Variants in LARGE2 observed in about 807,000 individuals in gnomAD.
LARGE2 encodes the protein LARGE xylosyl- and glucuronyltransferase 2, also known as xylosyl- and glucuronyltransferase LARGE2.
LARGE2 carries 63 observed loss-of-function variants against 75.3 expected under a neutral mutation model. That is an observed-to-expected ratio of 0.84 (90% CI 0.68 to 1.03). The LOEUF (loss-of-function observed/expected upper bound fraction) is 1.03. Ranked by LOEUF, LARGE2 falls within the 50% of genes least tolerant of loss-of-function variation. LARGE2 has a pLI of 0.00. For synonymous variants in LARGE2, 428 were observed against 420.1 expected (o/e 1.02, Z -0.23); for missense variants, 925 against 980.6 (o/e 0.94, Z 0.76).
Position 45,923,155 on chromosome 11 carries a change from G to A in LARGE2, c.273G>A (p.Pro91=). Residue 91 remains proline (P), a synonymous_variant, in exon 2 of 14, where the codon CCG becomes CCA. Coordinates refer to ENST00000401752, the MANE Select transcript of LARGE2 (RefSeq NM_001300721.2). ...ACTGCGGCCCGCAGCCGCCGCCGCC[G>A]CCCAAGTGCGAGGTAGGTGCGCGCG... ...RSDCGPQPPP[P]PKCELLHVAI... is the part of the protein sequence containing the mutation. The A allele has an allele frequency of 1.5e-6, 2 of 1,340,696 alleles. No individual in the cohort carries two copies. Among genetic ancestry groups the A allele is most frequent in the South Asian group, 2.0e-5 (1 of 51,022 alleles). The allele number at this position is 1,340,696 out of a possible 1,614,324, so 83.0% of individuals were successfully genotyped here.
chr11:45,922,874 T>G lies in LARGE2; in HGVS notation c.-9T>G. 8.0e-7 allele frequency: 1 copy of G among 1,252,464 alleles called. No individual in the cohort carries two copies. The allele number at this position is 1,252,464 out of a possible 1,614,324, so 77.6% of individuals were successfully genotyped here. ...TCGCGTCCCTCCCTGAGCGCCCCCG[T>G]CGGCGGCCATGCTGCCCCGAGGGCG... On this transcript the variant is annotated 5_prime_UTR_variant, in exon 2 of 14. Transcript: ENST00000401752.
At position 45,928,881 on chromosome 11, in the gene LARGE2, G is replaced by GCAGA. The variant is rs1447609727; in HGVS notation, c.*39_*42dup. 2.5e-6 allele frequency: 4 copies of GCAGA among 1,609,890 alleles called. No homozygotes were observed. In the African/African-American group the frequency reaches 5.4e-5, roughly 22 times the overall value. ...GCGCTGCCCCTCATCTTAGCATTGGGCAGACACCAGGGCAACCTGCCCTCC... is the reference window on the plus strand; with the variant it reads ...GCGCTGCCCCTCATCTTAGCATTGGGCAGACAGACACCAGGGCAACCTGCCCTCC... On this transcript the variant is annotated 3_prime_UTR_variant, in exon 14 of 14. Coordinates refer to ENST00000401752, the MANE Select transcript of LARGE2 (RefSeq NM_001300721.2).
chr11:45,925,950 G>A, intron 6 of LARGE2, 89 bp from the exon 7 acceptor site: 4 of 1,096,224 alleles, frequency 3.6e-6, no homozygotes, highest in Middle Eastern at 2.4e-4. Flanking sequence ...AAATACCAAT[G>A]TCAAAAAACA....
rs1443250906 is a variant in LARGE2, at chr11:45,928,027, A to C, written c.1712A>C (p.Glu571Ala). 2 of 1,613,746 alleles carry C rather than the reference A, an allele frequency of 1.2e-6. No individual in the cohort carries two copies. The highest frequency in any genetic ancestry group is 2.7e-5 in the African/African-American group (2 of 74,846). Residue 571 changes from glutamate to alanine, a missense_variant, in exon 12 of 14, where the codon GAG becomes GCG. This residue lies in a region of LARGE2 where 469 missense variants were observed against 503.8 expected (regional missense o/e 0.93). Coordinates refer to ENST00000401752, the MANE Select transcript of LARGE2 (RefSeq NM_001300721.2). ...YRFSFPHSKV[E>A]LLALLDAGTL... is the part of the protein sequence containing the mutation. ...TTCAGCTTCCCCCATTCCAAGGTGG[A>C]GCTGTTGGCCTTGCTGGATGCGGGC...
chr11:45,928,460 A>G, intron 13 of LARGE2, 88 bp downstream of exon 13: 6 of 1,534,548 alleles, frequency 3.9e-6, no homozygotes, highest in Non-Finnish European at 5.3e-6. Context: ...GGACCACACC[A>G]CTAGGCAACA....
intron 11 of LARGE2, 157 bp downstream of exon 11, chr11:45,927,750 G>A (rs765566042): frequency 7.0e-7 from 1 of 1,420,424 alleles, no homozygotes; most frequent in Non-Finnish European, 9.8e-7. Flanking sequence ...TGTCAACAGG[G>A]AGGCCAGGGC....
In LARGE2 at chr11:45,924,597, C is replaced by T; in HGVS notation, c.584C>T (p.Ala195Val). ...VLPSALPAEL[A>V]RVIVLDTDVT... ...CCCAGTGCCTTGCCTGCTGAGCTGGCCCGCGTCATTGTCCTGGACACGGAT... is the reference window on the plus strand; with the variant it reads ...CCCAGTGCCTTGCCTGCTGAGCTGGTCCGCGTCATTGTCCTGGACACGGAT... Residue 195 changes from alanine (A) to valine (V), a missense_variant, in exon 5 of 14, where the codon GCC becomes GTC. Physicochemically the swap from Ala to Val is moderately conservative, Grantham distance 64. This residue lies in a region of LARGE2 where 453 missense variants were observed against 460.2 expected (regional missense o/e 0.98). Transcript: ENST00000401752. 6.2e-7 allele frequency: 1 copy of T among 1,614,090 alleles called. No homozygotes were observed.
At position 45,927,301 on chromosome 11, in the gene LARGE2, C is replaced by T. The variant is rs768810711; in HGVS notation, c.1326-14C>T. Reference sequence around the variant, plus strand: ...AAGAGGGGCAGAGCTGTGCTGACCTCCCTCTCCCCATAGGCTGCAGATGTT... The same window carrying T: ...AAGAGGGGCAGAGCTGTGCTGACCTTCCTCTCCCCATAGGCTGCAGATGTT... On this transcript the variant is annotated splice_polypyrimidine_tract_variant and intron_variant, in intron 10 of 13. Coordinates refer to ENST00000401752, the MANE Select transcript of LARGE2 (RefSeq NM_001300721.2). 8.1e-6 allele frequency: 13 copies of T among 1,608,928 alleles called. No individual in the cohort carries two copies. In the African/African-American group the frequency reaches 1.3e-4, roughly 17 times the overall value.
chr11:45,924,668 C>G lies in LARGE2; in HGVS notation c.655C>G (p.His219Asp). The G allele has an allele frequency of 6.2e-7, 1 of 1,611,576 alleles. No homozygotes were observed. Among genetic ancestry groups the G allele is most frequent in the Non-Finnish European group, 8.5e-7 (1 of 1,178,840 alleles). ...DISELWALFA[H>D]FSDTQAIGLV... ...CTCGGAGCTCTGGGCCCTCTTTGCT[C>G]ACTTTTCTGGTGAGAGGCCTGGGAG... Residue 219 changes from histidine (H) to aspartate (D), a missense_variant, in exon 5 of 14, where the codon CAC becomes GAC. Around this residue, in one of 3 missense-constraint regions of LARGE2, gnomAD observed 453 missense variants for 460.2 expected, o/e 0.98. Coordinates refer to ENST00000401752, the MANE Select transcript of LARGE2 (RefSeq NM_001300721.2).
chr11:45,927,948 A>G lies in LARGE2; in HGVS notation c.1633A>G (p.Ser545Gly). ...RASIEQLGLGSRRKAALVVPA... is the reference protein window; with the variant it reads ...RASIEQLGLGGRRKAALVVPA... ...CTCCATTGAGCAGCTGGGGCTGGGCAGCCGGCGCAAGGCAGCACTGGTGGT... is the reference window on the plus strand; with the variant it reads ...CTCCATTGAGCAGCTGGGGCTGGGCGGCCGGCGCAAGGCAGCACTGGTGGT... The change falls in exon 12 of 14, where the codon AGC becomes GGC. Residue 545 changes from serine to glycine, a missense_variant. Physicochemically the swap from Ser to Gly is moderately conservative, Grantham distance 56. Transcript: ENST00000401752. The G allele has an allele frequency of 6.2e-7, 1 of 1,613,508 alleles. No homozygotes were observed. The highest frequency in any genetic ancestry group is 1.1e-5 in the South Asian group (1 of 91,072).
rs1170817493 is a variant in LARGE2, at chr11:45,926,043, G to C, written c.774G>C (p.Val258=). The change falls in exon 7 of 14, where the codon GTG becomes GTC. Residue 258 remains valine (V), a synonymous_variant. Transcript: ENST00000401752. ...PALGRGFNTG[V]ILLRLDRLRQ... ...ACAGCATCTCTTCATTGGCAGGTGT[G>C]ATCCTGCTGCGGCTGGACCGGCTCC... 1 of 1,555,144 alleles carries C rather than the reference G, an allele frequency of 6.4e-7. No individual in the cohort carries two copies. Among genetic ancestry groups the C allele is most frequent in the Non-Finnish European group, 8.7e-7 (1 of 1,148,974 alleles).
intron 2 of LARGE2, 137 bp from the exon 3 acceptor site, chr11:45,923,336 T>C: frequency 9.1e-7 from 1 of 1,094,506 alleles, no homozygotes; most frequent in Non-Finnish European, 1.3e-6. Context: ...ATTTCCCCAT[T>C]TGAAATGAAG....
upstream of LARGE2, chr11:45,922,610 C>T (rs55884539): frequency 4.3e-5 from 12 of 281,722 alleles, no homozygotes; most frequent in Non-Finnish European, 7.9e-5. Flanking sequence ...CGCTCAGCCC[C>T]GCTGAGGTGA....
intron 4 of LARGE2, 52 bp from the exon 5 acceptor site, chr11:45,924,454 G>T: frequency 1.3e-6 from 2 of 1,592,362 alleles, no homozygotes; most frequent in Non-Finnish European, 1.7e-6. Context: ...ATGTGTTCTG[G>T]TGCTCATAGG....
intron 6 of LARGE2, among the ~76,000 whole-genome samples, chr11:45,925,274 A>C (rs538878922): frequency 6.6e-6 from 1 of 152,300 alleles, no homozygotes; most frequent in East Asian, 1.9e-4. Flanking sequence ...TAATTCCAGC[A>C]CTTTGGGAGG....
rs142831797 is a variant in LARGE2, at chr11:45,926,501, C to G, written c.1068C>G (p.Phe356Leu). 2 of 1,614,148 alleles carry G rather than the reference C, an allele frequency of 1.2e-6. No individual in the cohort carries two copies. The highest frequency in any genetic ancestry group is 2.7e-5 in the African/African-American group (2 of 75,050). ...LRVKNKHVEFFRNFYLTFLEY... is the reference protein window; with the variant it reads ...LRVKNKHVEFLRNFYLTFLEY... ...TGAAGAACAAGCATGTGGAATTCTTCCGCAATTTCTACCTGACCTTCCTGG... is the reference window on the plus strand; with the variant it reads ...TGAAGAACAAGCATGTGGAATTCTTGCGCAATTTCTACCTGACCTTCCTGG... Residue 356 changes from phenylalanine (F) to leucine (L), a missense_variant, in exon 9 of 14, where the codon TTC (phenylalanine) becomes TTG (leucine). Transcript: ENST00000401752.
chr11:45,928,322 G>A lies in LARGE2; in HGVS notation c.1900G>A (p.Val634Met), dbSNP rs1398605735. The A allele has an allele frequency of 6.2e-7, 1 of 1,614,176 alleles. No individual in the cohort carries two copies. Among genetic ancestry groups the A allele is most frequent in the East Asian group, 2.2e-5 (1 of 44,886 alleles). The change falls in exon 13 of 14, where the codon GTG (valine) becomes ATG (methionine). Residue 634 changes from valine (V) to methionine (M), a missense_variant. Val to Met is a conservative substitution (Grantham distance 21). Coordinates refer to ENST00000401752, the MANE Select transcript of LARGE2 (RefSeq NM_001300721.2). The stretch of plus-strand genomic sequence containing the variant: ...CTGTCCCCGCTATGATCCTCGCTTT[G>A]TGGGCTTCGGCTGGAACAAAGTGGC... ...RDCPRYDPRF[V>M]GFGWNKVAHI...
At position 45,928,622 on chromosome 11, in the gene LARGE2, C is replaced by CG; in HGVS notation, c.1951-8_1951-7insG. 1 of 1,611,506 alleles carries CG rather than the reference C, an allele frequency of 6.2e-7. No individual in the cohort carries two copies. The highest frequency in any genetic ancestry group is 8.5e-7 in the Non-Finnish European group (1 of 1,178,136). On this transcript the variant is annotated splice_region_variant and splice_polypyrimidine_tract_variant and intron_variant, in intron 13 of 13. Transcript: ENST00000401752. Reference sequence around the variant, plus strand: ...AGGCAGCCACTGCTCCTCTGCCCCACCCTGCAGGAATATGAGCTCCTGGTG... The same window carrying CG: ...AGGCAGCCACTGCTCCTCTGCCCCACGCCTGCAGGAATATGAGCTCCTGGTG...
Position 45,926,358 on chromosome 11 carries a change from C to A in LARGE2, c.1008+11C>A. On this transcript the variant is annotated intron_variant, in intron 8 of 13. Transcript: ENST00000401752. ...GCGTCTGACCTCAAGGTGAGTGGGA[C>A]AAGAGGCTGTGTGGTGGTGGGGGGC... 1.2e-6 allele frequency: 2 copies of A among 1,614,090 alleles called. No individual in the cohort carries two copies. The highest frequency in any genetic ancestry group is 1.7e-6 in the Non-Finnish European group (2 of 1,180,000).
Sources: allele counts gnomAD v4.1 joint callset (sites outside exome capture counted in the v4.1 genomes callset), GRCh38; gene constraint gnomAD v4.1.1; regional missense constraint gnomAD v4.1.1; transcripts MANE v1.5; gene names NCBI Gene and HGNC (gene_info 2026-07-23, HGNC 2026-07-21).